REV3L: variants seen among roughly 807,000 people sequenced by gnomAD.
REV3L encodes the protein REV3 like, DNA directed polymerase zeta catalytic subunit.
A neutral mutation model predicts 299.4 loss-of-function variants in REV3L; 69 were observed. The observed-to-expected ratio is 0.23, with a 90% CI of 0.19 to 0.28. The LOEUF is 0.28. Among genes scored for constraint, REV3L ranks in the 10% least tolerant of loss-of-function variants. The probability of loss-of-function intolerance (pLI) is 1.00; values close to 1 mark genes in which losing one functional copy is unlikely to be tolerated. For synonymous variants in REV3L, 1,238 were observed against 1,271.4 expected (o/e 0.97, Z 0.56); for missense variants, 3,128 against 3,693.8 (o/e 0.85, Z 3.97).
chr6:111,480,390 T>C (rs1323188629), intron 1 of REV3L, among the ~76,000 whole-genome samples: 2 of 152,200 alleles, frequency 1.3e-5, no homozygotes, highest in Non-Finnish European at 2.9e-5. Context: ...TTCAGAGTTT[T>C]ACTAAGTCAG....
chr6:111,302,302 C>T lies in REV3L; in HGVS notation c.9253-2146G>A, dbSNP rs1365772345. On this transcript the variant is annotated intron_variant, in intron 31 of 31. Coordinates refer to ENST00000368802, the MANE Select transcript of REV3L (RefSeq NM_001372078.1). Reference sequence around the variant, plus strand: ...TCCCAAATATAGAATTTCTGTATTACAGCTCTATGAATTGCAGTTACATTC... The same window carrying T: ...TCCCAAATATAGAATTTCTGTATTATAGCTCTATGAATTGCAGTTACATTC... Among the ~76,000 whole-genome samples, 3 of 152,188 alleles carry T rather than the reference C, an allele frequency of 2.0e-5. No homozygotes were observed. In the East Asian group the frequency reaches 5.8e-4, roughly 29 times the overall value.
chr6:111,334,747 T>A (rs903607841), intron 22 of REV3L, among the ~76,000 whole-genome samples: 2 of 152,282 alleles, frequency 1.3e-5, no homozygotes, highest in South Asian at 4.1e-4. Flanking sequence ...TTATAAGCAA[T>A]TAAATGAAAT....
At chr6:111,306,192 A>G (rs1158580838) in intron 31 of REV3L, among the ~76,000 whole-genome samples, 1 of 152,150 alleles carries the variant, frequency 6.6e-6, no homozygotes, top group Non-Finnish European at 1.5e-5. Flanking sequence ...GCCTACTGCA[A>G]GGAAGGCTTC....
At chr6:111,448,008 T>G (rs1789057253) in intron 1 of REV3L, among the ~76,000 whole-genome samples, 1 of 152,188 alleles carries the variant, frequency 6.6e-6, no homozygotes, top group African/African-American at 2.4e-5. Flanking sequence ...TTTAATTGTA[T>G]TATGAATCAT....
rs975478723 is a variant in REV3L, at chr6:111,322,981, CT to C, written c.8242-304del. On this transcript the variant is annotated intron_variant, in intron 25 of 31. Transcript: ENST00000368802. ...TTGGATTCTTGGAAGAATAATCCTT[CT>C]TTATTCAAGAACTTTTTTTTTTTTT... Among the ~76,000 whole-genome samples, 15 of 151,296 alleles carry C rather than the reference CT, an allele frequency of 9.9e-5. 1 individual carries two copies. The Admixed American group carries it at 9.9e-4, about 10-fold the overall frequency.
intron 1 of REV3L, among the ~76,000 whole-genome samples, chr6:111,421,435 C>G (rs917666254): frequency 6.6e-6 from 1 of 152,138 alleles, no homozygotes; most frequent in Non-Finnish European, 1.5e-5. Flanking sequence ...CATAACTCTG[C>G]TGTTGTAGCC....
intron 24 of REV3L, 136 bp downstream of exon 24, chr6:111,331,540 T>C: frequency 1.9e-6 from 1 of 528,328 alleles, no homozygotes; most frequent in Non-Finnish European, 3.3e-6. Flanking sequence ...TCTCATATCT[T>C]TGACTTTTTG....
intron 21 of REV3L, among the ~76,000 whole-genome samples, chr6:111,340,708 T>C (rs565701560): frequency 1.3e-5 from 2 of 152,248 alleles, no homozygotes; most frequent in South Asian, 2.1e-4. Context: ...AAGTTAAGAA[T>C]GTACTCATTT....
At chr6:111,426,007 C>A (rs11760197) in intron 1 of REV3L, among the ~76,000 whole-genome samples, 2,054 of 152,214 alleles carry the variant, frequency 0.013, 21 homozygotes, top group Middle Eastern at 0.027. Flanking sequence ...CGTTTGGATT[C>A]TTTTAAGTGT....
intron 1 of REV3L, among the ~76,000 whole-genome samples, chr6:111,455,395 G>A (rs1347502180): frequency 3.9e-5 from 6 of 152,182 alleles, no homozygotes; most frequent in Non-Finnish European, 8.8e-5. Context: ...TTGAGCAAGA[G>A]CAAGCAGTTC....
chr6:111,318,244 C>T (rs1156455316), intron 26 of REV3L, among the ~76,000 whole-genome samples: 3 of 151,944 alleles, frequency 2.0e-5, no homozygotes, highest in East Asian at 3.9e-4. Flanking sequence ...CCTACCACCA[C>T]GCCCGGCTAA....
At chr6:111,441,243 T>C (rs1454016102) in intron 1 of REV3L, among the ~76,000 whole-genome samples, 1 of 152,166 alleles carries the variant, frequency 6.6e-6, no homozygotes, top group Admixed American at 6.5e-5. Context: ...TTTTTGTTAC[T>C]GTTGTTGTTG....
intron 16 of REV3L, among the ~76,000 whole-genome samples, chr6:111,359,502 T>C (rs1451466982): frequency 1.5e-5 from 2 of 137,672 alleles, no homozygotes; most frequent in Non-Finnish European, 3.1e-5. Flanking sequence ...AGGCAGATTT[T>C]TAATTATAGT....
At chr6:111,399,295 T>C (rs1317727959) in intron 4 of REV3L, among the ~76,000 whole-genome samples, 2 of 152,192 alleles carry the variant, frequency 1.3e-5, no homozygotes, top group Non-Finnish European at 1.5e-5. Flanking sequence ...TTTAATAACT[T>C]TAGATTTACA....
intron 1 of REV3L, among the ~76,000 whole-genome samples, chr6:111,468,154 A>G (rs1238051500): frequency 1.3e-5 from 2 of 152,184 alleles, no homozygotes; most frequent in African/African-American, 4.8e-5. Context: ...GAAGTTTTTC[A>G]TTTTAACTAT....
At chr6:111,307,725 A>G (rs1166362385) in intron 30 of REV3L, 155 bp from the exon 31 acceptor site, 3 of 645,850 alleles carry the variant, frequency 4.6e-6, no homozygotes, top group Non-Finnish European at 8.1e-6. Flanking sequence ...GCACTGTTCC[A>G]GACACTGGAG....
chr6:111,322,541 G>T, intron 26 of REV3L, 28 bp downstream of exon 26: 1 of 1,523,188 alleles, frequency 6.6e-7, no homozygotes, highest in Non-Finnish European at 9.1e-7. Flanking sequence ...AGATGCAAAA[G>T]ACAACTACAA....
chr6:111,482,941 AGCAGCGGCGGCGGCTCCCTCC>A lies in REV3L; in HGVS notation c.-74_-54del, dbSNP rs888926055. The A allele has an allele frequency of 4.9e-4, 725 of 1,469,376 alleles. No homozygotes were observed. Among genetic ancestry groups the A allele is most frequent in the African/African-American group, 6.9e-4 (46 of 67,020 alleles). 91.0% of individuals were successfully genotyped at this position (1,469,376 alleles called of 1,614,324 possible). On this transcript the variant is annotated 5_prime_UTR_variant, in exon 1 of 32. Coordinates refer to ENST00000368802, the MANE Select transcript of REV3L (RefSeq NM_001372078.1). Reference sequence around the variant, plus strand: ...TCACTGGCGACCCGGCAGCGGCAGCAGCAGCGGCGGCGGCTCCCTCCGCAGCGGCGGCGGCGCCCCCTCCCC... The same window carrying A: ...TCACTGGCGACCCGGCAGCGGCAGCAGCAGCGGCGGCGGCGCCCCCTCCCC...
At chr6:111,365,860 T>C (rs1353204725) in intron 14 of REV3L, among the ~76,000 whole-genome samples, 1 of 152,172 alleles carries the variant, frequency 6.6e-6, no homozygotes, top group African/African-American at 2.4e-5. Flanking sequence ...TTTTCCCTGA[T>C]TACTGTGCAA....
Sources: gnomAD v4.1 joint callset for allele counts (sites outside exome capture counted in the v4.1 genomes callset) on GRCh38, gnomAD v4.1.1 for gene constraint, MANE v1.5 for transcripts, NCBI Gene and HGNC (gene_info 2026-07-23, HGNC 2026-07-21) for gene names.